The following LYPD6 variants were observed in gnomAD, a reference collection of about 807,000 sequenced individuals.
The protein encoded by LYPD6 is LY6/PLAUR domain containing 6.
In LYPD6, 15 loss-of-function variants were observed where a neutral mutation model predicts 22.7. The observed-to-expected ratio is 0.66, with a 90% CI of 0.44 to 1.02. LYPD6 has a LOEUF of 1.02. Ranked by LOEUF, LYPD6 falls within the 50% of genes least tolerant of loss-of-function variation. The pLI, the probability that LYPD6 is intolerant of heterozygous loss-of-function variation, is 0.00. For missense variants in LYPD6, 189 were observed against 208.4 expected (o/e 0.91, Z 0.57); for synonymous variants, 72 against 77.5 (o/e 0.93, Z 0.37).
At position 149,404,218 on chromosome 2, in the gene LYPD6, T is replaced by C. The variant is rs183897689; in HGVS notation, c.-71-33420T>C. Among the ~76,000 whole-genome samples the C allele has an allele frequency of 1.9e-4, 29 of 152,320 alleles. No homozygotes were observed. In the East Asian group the frequency reaches 5.6e-3, roughly 29 times the overall value. On this transcript the variant is annotated intron_variant, in intron 1 of 4. Transcript: ENST00000334166. The stretch of plus-strand genomic sequence containing the variant: ...TTAGGATTGACTTGGCGATGCGGGC[T>C]CTTTTTTGGTTCCATATGAACTTTA...
intron 1 of LYPD6, among the ~76,000 whole-genome samples, chr2:149,375,169 A>G (rs567497883): frequency 1.3e-5 from 2 of 152,320 alleles, no homozygotes; most frequent in South Asian, 4.1e-4. Context: ...GAGTAGATTT[A>G]TTCTGAAGGT....
chr2:149,384,713 A>C (rs1682141667), intron 1 of LYPD6, among the ~76,000 whole-genome samples: 1 of 151,940 alleles, frequency 6.6e-6, no homozygotes, highest in African/African-American at 2.4e-5. Context: ...TCTGTTTTTA[A>C]ATTTTTTTTA....
At chr2:149,400,753 T>G (rs1205491413) in intron 1 of LYPD6, among the ~76,000 whole-genome samples, 1 of 152,230 alleles carries the variant, frequency 6.6e-6, no homozygotes, top group Non-Finnish European at 1.5e-5. Flanking sequence ...ATCTAAAACT[T>G]GGGGCCTTCT....
At chr2:149,377,381 T>G (rs542810035) in intron 1 of LYPD6, among the ~76,000 whole-genome samples, 5 of 151,780 alleles carry the variant, frequency 3.3e-5, no homozygotes, top group East Asian at 1.9e-4. Context: ...AGCTGCTTTA[T>G]CAGACTTAAA....
intron 1 of LYPD6, among the ~76,000 whole-genome samples, chr2:149,414,995 A>T (rs1452727294): frequency 6.6e-6 from 1 of 152,162 alleles, no homozygotes; most frequent in Non-Finnish European, 1.5e-5. Context: ...AAAAGTACAG[A>T]CTTCTGAGGT....
chr2:149,465,105 G>T (rs1023075792), intron 3 of LYPD6, among the ~76,000 whole-genome samples: 6 of 152,140 alleles, frequency 3.9e-5, no homozygotes, highest in Non-Finnish European at 5.9e-5. Context: ...GTGAGAAGAG[G>T]TTCAAGGACA....
upstream of LYPD6, chr2:149,330,560 G>GC (rs1266708495): frequency 4.7e-5 from 7 of 150,494 alleles, no homozygotes; most frequent in Non-Finnish European, 7.4e-5. Context: ...GCCCCTAGCC[G>GC]CCCCCCGCCT....
intron 3 of LYPD6, among the ~76,000 whole-genome samples, chr2:149,460,078 G>A (rs1035107509): frequency 6.6e-6 from 1 of 152,010 alleles, no homozygotes; most frequent in Non-Finnish European, 1.5e-5. Context: ...CAAAAGCACT[G>A]TAGATAAATC....
At chr2:149,362,738 A>G (rs1681595065) in intron 1 of LYPD6, among the ~76,000 whole-genome samples, 2 of 152,066 alleles carry the variant, frequency 1.3e-5, no homozygotes, top group African/African-American at 4.8e-5. Context: ...AGAACTCATT[A>G]TTTTCTTAGG....
At chr2:149,394,689 A>G (rs1682389892) in intron 1 of LYPD6, among the ~76,000 whole-genome samples, 1 of 152,046 alleles carries the variant, frequency 6.6e-6, no homozygotes, top group African/African-American at 2.4e-5. Context: ...GGGTATAAAT[A>G]GATTTTCACA....
chr2:149,476,334 A>C (rs984046029), downstream of LYPD6, among the ~76,000 whole-genome samples: 9 of 152,318 alleles, frequency 5.9e-5, no homozygotes, highest in East Asian at 1.5e-3. Context: ...ATGAGAAGAA[A>C]AATATTCTGG....
chr2:149,459,901 C>CAA lies in LYPD6; in HGVS notation c.218-8729_218-8728dup, dbSNP rs35923768. Among the ~76,000 whole-genome samples the CAA allele has an allele frequency of 2.5e-3, 349 of 137,512 alleles. 3 individuals carry two copies. Among genetic ancestry groups the CAA allele is most frequent in the African/African-American group, 8.5e-3 (303 of 35,750 alleles). The allele number at this position is 137,512 out of a possible 152,430, so 90.2% of individuals were successfully genotyped here. A position where few individuals can be genotyped will look rare whatever the true frequency, so the allele number is the denominator to read the frequency against. ...TGGGTGACAGAGTAAGACTTTGTCT[C>CAA]AAAAAAAAAAAAAAAATTATTACAA... On this transcript the variant is annotated intron_variant, in intron 3 of 4. Transcript: ENST00000334166.
chr2:149,446,560 A>G (rs2105159951), intron 2 of LYPD6, among the ~76,000 whole-genome samples: 1 of 152,336 alleles, frequency 6.6e-6, no homozygotes, highest in African/African-American at 2.4e-5. Context: ...TGTCACAATT[A>G]TATGACATTT....
At chr2:149,387,596 G>T (rs938874010) in intron 1 of LYPD6, among the ~76,000 whole-genome samples, 1 of 152,202 alleles carries the variant, frequency 6.6e-6, no homozygotes, top group Non-Finnish European at 1.5e-5. Flanking sequence ...AATTAAGGAA[G>T]CATCAAGGAA....
chr2:149,417,290 A>G (rs940679303), intron 1 of LYPD6, among the ~76,000 whole-genome samples: 7 of 152,218 alleles, frequency 4.6e-5, no homozygotes, highest in Non-Finnish European at 8.8e-5. Flanking sequence ...CATAAGCTCT[A>G]TACTGCCTTG....
intron 1 of LYPD6, among the ~76,000 whole-genome samples, chr2:149,348,661 A>G (rs1681305253): frequency 6.6e-6 from 1 of 152,242 alleles, no homozygotes; most frequent in Non-Finnish European, 1.5e-5. Flanking sequence ...CTTAGAGGTT[A>G]TCACACTATG....
chr2:149,485,131 A>C, the LYPD6 span, among the ~76,000 whole-genome samples: 2 of 152,160 alleles, frequency 1.3e-5, no homozygotes, highest in African/African-American at 4.8e-5. Flanking sequence ...TCGTAGCACA[A>C]GTGATCATAG....
chr2:149,463,676 T>C (rs901556173), intron 3 of LYPD6, among the ~76,000 whole-genome samples: 6 of 152,192 alleles, frequency 3.9e-5, no homozygotes, highest in Non-Finnish European at 8.8e-5. Context: ...CTTTAGTACA[T>C]CTATGCCGTG....
chr2:149,479,662 A>G, the LYPD6 span, among the ~76,000 whole-genome samples: 11 of 151,934 alleles, frequency 7.2e-5, no homozygotes, highest in South Asian at 2.1e-4. Context: ...AATCCTGTCA[A>G]TTTTTTCTCT....
Sources: allele counts gnomAD v4.1 joint callset (sites outside exome capture counted in the v4.1 genomes callset), GRCh38; gene constraint gnomAD v4.1.1; transcripts MANE v1.5; gene names NCBI Gene and HGNC (gene_info 2026-07-23, HGNC 2026-07-21).